ITPR3: variants seen among roughly 807,000 people sequenced by gnomAD.
The protein encoded by ITPR3 is inositol 1,4,5-trisphosphate-gated calcium channel ITPR3.
ITPR3 carries 173 observed loss-of-function variants against 293.2 expected under a neutral mutation model. The ratio of observed to expected loss-of-function variants is 0.59; its 90% confidence interval spans 0.52 to 0.67. The LOEUF is 0.67. Ranked by LOEUF, ITPR3 falls within the 30% of genes least tolerant of loss-of-function variation. The pLI is 0.00. For missense variants in ITPR3, 2,796 were observed against 3,592.1 expected, an observed-to-expected ratio of 0.78 and a Z score of 5.66; for synonymous variants, 1,295 against 1,444.4, an observed-to-expected ratio of 0.90 and a Z score of 2.35.
rs891429886 is a variant in ITPR3, at chr6:33,682,068, G to A, written c.4477-456G>A. Among the ~76,000 whole-genome samples, 2 of 152,112 alleles carry A rather than the reference G, an allele frequency of 1.3e-5. No individual in the cohort carries two copies. The highest frequency in any genetic ancestry group is 2.9e-5 in the Non-Finnish European group (2 of 68,030). On this transcript the variant is annotated intron_variant, in intron 33 of 57. Coordinates refer to ENST00000605930, the MANE Select transcript of ITPR3 (RefSeq NM_002224.4). The surrounding 1 kb of genome is among the most constrained non-coding windows in gnomAD (Gnocchi z 5.4). The stretch of plus-strand genomic sequence containing the variant: ...GGCTAATTTTTGTATTTTTAGTAGA[G>A]ACAGGGTTTCACCATGTTGGCCAGG...
Position 33,688,165 on chromosome 6 carries a change from G to A in ITPR3, c.6373G>A (p.Glu2125Lys), listed in dbSNP as rs1582164537. The A allele has an allele frequency of 1.2e-6, 2 of 1,614,060 alleles. No individual in the cohort carries two copies. The highest frequency in any genetic ancestry group is 1.7e-6 in the Non-Finnish European group (2 of 1,179,974). Residue 2125 changes from glutamate (E) to lysine (K), a missense_variant and splice_region_variant, in exon 47 of 58, where the codon GAG becomes AAG. Physicochemically the swap from Glu to Lys is moderately conservative, Grantham distance 56 (BLOSUM62 1). Coordinates refer to ENST00000605930, the MANE Select transcript of ITPR3 (RefSeq NM_002224.4). ...CTATGAGAACCACACGTCCCAGATC[G>A]AGGTGGGCCTGTGGGCAGCAGGGGC... ...AYYENHTSQI[E>K]IVRQDRSMEQ...
chr6:33,675,614 C>A lies in ITPR3; in HGVS notation c.3117-77C>A. On this transcript the variant is annotated intron_variant, in intron 24 of 57. Transcript: ENST00000605930. This position sits in a 1 kb window ranked among gnomAD's most constrained non-coding sequence, Gnocchi z 5.0. ...TTGGGTGGCGGAGAGTGTGCTTGTG[C>A]CAGGGCCCCTTACCCACCACGGACA... The A allele has an allele frequency of 6.8e-7, 1 of 1,474,762 alleles. No homozygotes were observed. Among genetic ancestry groups the A allele is most frequent in the South Asian group, 1.4e-5 (1 of 72,790 alleles). 91.4% of individuals were successfully genotyped at this position (1,474,762 alleles called of 1,614,324 possible).
At chr6:33,642,428 G>A (rs147656446) in intron 2 of ITPR3, among the ~76,000 whole-genome samples, 2 of 152,224 alleles carry the variant, frequency 1.3e-5, no homozygotes, top group African/African-American at 4.8e-5. Context: ...AGAGAGAGGT[G>A]AGGGTCCCAA....
Position 33,658,061 on chromosome 6 carries a change from C to CTCT in ITPR3, c.369+44_369+45insCTT. 1 of 1,556,696 alleles carries CTCT rather than the reference C, an allele frequency of 6.4e-7. No individual in the cohort carries two copies. Among genetic ancestry groups the CTCT allele is most frequent in the Non-Finnish European group, 8.8e-7 (1 of 1,132,340 alleles). On this transcript the variant is annotated intron_variant, in intron 4 of 57. Coordinates refer to ENST00000605930, the MANE Select transcript of ITPR3 (RefSeq NM_002224.4). This position sits in a 1 kb window ranked among gnomAD's most constrained non-coding sequence, Gnocchi z 6.1. ...CTCTCCCGCCTGCCCCTCTCCCTGC[C>CTCT]TAAGAGGCTGGGCTGGTGCTGGGTG... is the stretch of plus-strand genomic sequence containing the variant.
chr6:33,669,665 C>T (rs1403954384), intron 18 of ITPR3, among the ~76,000 whole-genome samples: 1 of 152,250 alleles, frequency 6.6e-6, no homozygotes, highest in Non-Finnish European at 1.5e-5. Flanking sequence ...ACGTAGTGGG[C>T]ACTTTTTTAA....
rs1390316932 is a variant in ITPR3 at position 33,684,665 on chromosome 6, A to T, written c.5114A>T (p.Asp1705Val). ...AACCGGAAGTCCACCTCGCGGGGGGACCTTCCCGACCCCATAGGCACTGGT... is the reference window on the plus strand; with the variant it reads ...AACCGGAAGTCCACCTCGCGGGGGGTCCTTCCCGACCCCATAGGCACTGGT... ...LQNRKSTSRG[D>V]LPDPIGTGLD... Residue 1705 changes from aspartate (D) to valine (V), a missense_variant, in exon 38 of 58, where the codon GAC becomes GTC. Physicochemically the swap from Asp to Val is radical, Grantham distance 152 (BLOSUM62 -3). This residue lies in a region of ITPR3 where 704 missense variants were observed against 797.5 expected (regional missense o/e 0.88). Transcript: ENST00000605930. This position sits in a 1 kb window ranked among gnomAD's most constrained non-coding sequence, Gnocchi z 4.2. 1 of 1,613,438 alleles carries T rather than the reference A, an allele frequency of 6.2e-7. No individual in the cohort carries two copies. The highest frequency in any genetic ancestry group is 8.5e-7 in the Non-Finnish European group (1 of 1,179,838).
Position 33,692,704 on chromosome 6 carries a change from G to C in ITPR3, c.7459-24G>C, listed in dbSNP as rs149586532. 3.7e-6 allele frequency: 6 copies of C among 1,611,780 alleles called. No homozygotes were observed. Among genetic ancestry groups the C allele is most frequent in the East Asian group, 2.2e-5 (1 of 44,838 alleles). On this transcript the variant is annotated intron_variant, in intron 54 of 57. Coordinates refer to ENST00000605930, the MANE Select transcript of ITPR3 (RefSeq NM_002224.4). The surrounding 1 kb of genome is among the most constrained non-coding windows in gnomAD (Gnocchi z 4.2). ...GTGAATGTGGGGACCACCGGGCCCA[G>C]CCTCCCTGCCTCATCCCCTGCAGGA...
At position 33,683,417 on chromosome 6, in the gene ITPR3, G is replaced by C. The variant is rs1765135740; in HGVS notation, c.4788+20G>C. 2 of 1,505,060 alleles carry C rather than the reference G, an allele frequency of 1.3e-6. No individual in the cohort carries two copies. The highest frequency in any genetic ancestry group is 1.4e-5 in the African/African-American group (1 of 72,018). 93.2% of individuals were successfully genotyped at this position (1,505,060 alleles called of 1,614,324 possible). A position where few individuals can be genotyped will look rare whatever the true frequency, so the allele number is the denominator to read the frequency against. On this transcript the variant is annotated intron_variant, in intron 35 of 57. Transcript: ENST00000605930. The surrounding 1 kb of genome is among the most constrained non-coding windows in gnomAD (Gnocchi z 4.5). ...CTGCAGGTGGGTGTGGGGCTGCCTG[G>C]CATCTGCCTCGGGAGCTGCTTGGTT...
At chr6:33,629,625 T>C (rs1763627010) in intron 1 of ITPR3, among the ~76,000 whole-genome samples, 1 of 151,936 alleles carries the variant, frequency 6.6e-6, no homozygotes, top group Non-Finnish European at 1.5e-5. Flanking sequence ...GGATTACCAG[T>C]GCCAGCCACC....
Position 33,671,326 on chromosome 6 carries a change from C to G in ITPR3, c.2728+20C>G. The G allele has an allele frequency of 6.3e-7, 1 of 1,589,892 alleles. No homozygotes were observed. Among genetic ancestry groups the G allele is most frequent in the Non-Finnish European group, 8.6e-7 (1 of 1,164,504 alleles). On this transcript the variant is annotated intron_variant, in intron 21 of 57. Coordinates refer to ENST00000605930, the MANE Select transcript of ITPR3 (RefSeq NM_002224.4). The stretch of plus-strand genomic sequence containing the variant: ...CCGGTGGTGAGGCCTTTGCCCGGCT[C>G]GGGCCACCCTGGTGGTCCTCAGCCT...
intron 18 of ITPR3, 132 bp downstream of exon 18, chr6:33,669,288 C>A: frequency 1.1e-6 from 1 of 892,000 alleles, no homozygotes; most frequent in South Asian, 1.7e-5. Context: ...GAAGCGGAGT[C>A]CCTGCTGTCA....
At chr6:33,657,233 C>T (rs560838856) in intron 3 of ITPR3, among the ~76,000 whole-genome samples, 1 of 152,334 alleles carries the variant, frequency 6.6e-6, no homozygotes, top group South Asian at 2.1e-4. Context: ...GGACAGGGCT[C>T]CTGCCCTCCA....
chr6:33,663,082 T>G, intron 9 of ITPR3, 76 bp downstream of exon 9: 23 of 1,226,422 alleles, frequency 1.9e-5, no homozygotes, highest in East Asian at 2.5e-5. Flanking sequence ...TGTGTGCACA[T>G]ACTTGCATAT....
At chr6:33,660,160 G>A (rs532405729) in intron 7 of ITPR3, among the ~76,000 whole-genome samples, 2 of 152,302 alleles carry the variant, frequency 1.3e-5, no homozygotes, top group South Asian at 2.1e-4. Flanking sequence ...GGAGAGTTCA[G>A]ATGTCTCTTG....
At chr6:33,686,569 A>G in intron 43 of ITPR3, 50 bp downstream of exon 43, 1 of 1,361,642 alleles carries the variant, frequency 7.3e-7, no homozygotes, top group Non-Finnish European at 1.1e-6. Flanking sequence ...TGTGATGTGC[A>G]TGCATGTATG....
chr6:33,631,624 A>G, intron 1 of ITPR3, among the ~76,000 whole-genome samples: 1 of 152,210 alleles, frequency 6.6e-6, no homozygotes, highest in East Asian at 1.9e-4. Context: ...GAAGCACAGC[A>G]CCACAGGGAA....
chr6:33,648,888 C>T (rs907334487), intron 2 of ITPR3, among the ~76,000 whole-genome samples: 5 of 151,738 alleles, frequency 3.3e-5, no homozygotes, highest in African/African-American at 1.2e-4. Flanking sequence ...GCCACCACGC[C>T]CAGGCTGCCA....
In ITPR3 at chr6:33,658,654, C is replaced by T. The variant is rs1764373993; in HGVS notation, c.370-16C>T. On this transcript the variant is annotated splice_polypyrimidine_tract_variant and intron_variant, in intron 4 of 57. Coordinates refer to ENST00000605930, the MANE Select transcript of ITPR3 (RefSeq NM_002224.4). The surrounding 1 kb of genome is among the most constrained non-coding windows in gnomAD (Gnocchi z 6.1). Reference sequence around the variant, plus strand: ...CTGTGGCGCGGTGACCTTCCCGCACCCCACCTGACCCCCAGCTCCTGCACA... The same window carrying T: ...CTGTGGCGCGGTGACCTTCCCGCACTCCACCTGACCCCCAGCTCCTGCACA... 6.2e-7 allele frequency: 1 copy of T among 1,613,058 alleles called. No homozygotes were observed. The highest frequency in any genetic ancestry group is 1.3e-5 in the African/African-American group (1 of 74,924).
In ITPR3 at chr6:33,675,791, G is replaced by A; in HGVS notation, c.3217G>A (p.Gly1073Ser). ...TMHDYAPLVSGALQLLFKHFS... is the reference protein window; with the variant it reads ...TMHDYAPLVSSALQLLFKHFS... ...GCACGACTATGCGCCGCTGGTCTCG[G>A]GTGCCCTGCAGCTGCTCTTCAAGCA... Residue 1073 changes from glycine (G) to serine (S), a missense_variant, in exon 25 of 58, where the codon GGT (glycine) becomes AGT (serine). Physicochemically the swap from Gly to Ser is moderately conservative, Grantham distance 56 (BLOSUM62 0). This residue lies in a region of ITPR3 where 955 missense variants were observed against 1,180.8 expected (regional missense o/e 0.81). Transcript: ENST00000605930. The surrounding 1 kb of genome is among the most constrained non-coding windows in gnomAD (Gnocchi z 5.0). The A allele has an allele frequency of 6.2e-7, 1 of 1,608,798 alleles. No homozygotes were observed. Among genetic ancestry groups the A allele is most frequent in the Non-Finnish European group, 8.5e-7 (1 of 1,177,928 alleles).
Sources: gnomAD v4.1 joint callset for allele counts (sites outside exome capture counted in the v4.1 genomes callset) on GRCh38, gnomAD v4.1.1 for gene constraint, gnomAD v4.1.1 regional missense constraint, Gnocchi (gnomAD v3.1) non-coding constraint, MANE v1.5 for transcripts, NCBI Gene and HGNC (gene_info 2026-07-23, HGNC 2026-07-21) for gene names.